The following CACNB2 variants were observed in gnomAD, a reference collection of about 807,000 sequenced individuals.
The protein encoded by CACNB2 is voltage-dependent L-type calcium channel subunit beta-2.
Under a neutral mutation model 73.3 loss-of-function variants are expected in CACNB2, and 42 were observed. That is an observed-to-expected ratio of 0.57 (90% CI 0.45 to 0.74). The LOEUF (loss-of-function observed/expected upper bound fraction) is 0.74. Ranked by LOEUF, CACNB2 falls within the 30% of genes least tolerant of loss-of-function variation. The pLI, the probability that CACNB2 is intolerant of heterozygous loss-of-function variation, is 0.00. For missense variants in CACNB2, 940 were observed against 853.0 expected, an observed-to-expected ratio of 1.10 and a Z score of -1.27; for synonymous variants, 348 against 310.3, an observed-to-expected ratio of 1.12 and a Z score of -1.28.
rs1389670418 is a variant in CACNB2, at chr10:18,541,137, T to A, written c.*1413T>A. On this transcript the variant is annotated 3_prime_UTR_variant, in exon 14 of 14. Transcript: ENST00000324631. ...TTCAATTTCTAACCTTGCCTATTGT[T>A]CCTGTTGTTTGTTTACCTCCCAGTT... is the stretch of plus-strand genomic sequence containing the variant. 1 of 152,688 alleles carries A rather than the reference T, an allele frequency of 6.5e-6. No homozygotes were observed. Among genetic ancestry groups the A allele is most frequent in the Non-Finnish European group, 1.5e-5 (1 of 68,042 alleles). The allele number at this position is 152,688 out of a possible 1,614,324, so 9.5% of individuals were successfully genotyped here.
intron 3 of CACNB2, among the ~76,000 whole-genome samples, chr10:18,464,418 T>TAAAATAAAAAAAAAGAAAAAAA (rs1554824204): frequency 1.2e-5 from 1 of 85,298 alleles, no homozygotes; most frequent in Admixed American, 1.5e-4. Flanking sequence ...TCTCAAAAAT[T>TAAAATAAAAAAAAAGAAAAAAA]AAAAAAAAAA....
intron 3 of CACNB2, among the ~76,000 whole-genome samples, chr10:18,427,402 A>C (rs1354977657): frequency 6.6e-6 from 1 of 152,012 alleles, no homozygotes; most frequent in Non-Finnish European, 1.5e-5. Flanking sequence ...TGGGGGACTT[A>C]CTGTATGTAT....
intron 2 of CACNB2, among the ~76,000 whole-genome samples, chr10:18,241,855 A>G (rs1213167165): frequency 6.6e-6 from 1 of 152,182 alleles, no homozygotes. Context: ...AGTGTCAGCT[A>G]AAATGAGCTT....
At chr10:18,510,767 T>C (rs892242144) in intron 6 of CACNB2, among the ~76,000 whole-genome samples, 2 of 152,168 alleles carry the variant, frequency 1.3e-5, no homozygotes, top group Non-Finnish European at 2.9e-5. Context: ...AAGGGTACTA[T>C]CCCTTGAATG....
intron 3 of CACNB2, among the ~76,000 whole-genome samples, chr10:18,444,585 C>T (rs2046642463): frequency 6.6e-6 from 1 of 152,080 alleles, no homozygotes; most frequent in Non-Finnish European, 1.5e-5. Context: ...TGTGCAACGT[C>T]CCACAGCTAG....
At chr10:18,346,878 T>C (rs2041480907) in intron 2 of CACNB2, among the ~76,000 whole-genome samples, 1 of 152,110 alleles carries the variant, frequency 6.6e-6, no homozygotes, top group Admixed American at 6.6e-5. Context: ...ATTACAGGTG[T>C]GAGCCACTGC....
chr10:18,516,826 T>TC (rs772866117), intron 7 of CACNB2, among the ~76,000 whole-genome samples: 7 of 152,096 alleles, frequency 4.6e-5, no homozygotes, highest in Non-Finnish European at 8.8e-5. Flanking sequence ...TTTTTTTTTT[T>TC]CTGTTCAAAA....
chr10:18,323,909 A>G (rs753779380), intron 2 of CACNB2, among the ~76,000 whole-genome samples: 8 of 152,242 alleles, frequency 5.3e-5, no homozygotes, highest in Non-Finnish European at 1.2e-4. Flanking sequence ...GACAACATAA[A>G]TTCAGTCATC....
At chr10:18,365,176 T>C (rs976187217) in intron 2 of CACNB2, among the ~76,000 whole-genome samples, 2 of 152,206 alleles carry the variant, frequency 1.3e-5, no homozygotes, top group African/African-American at 4.8e-5. Context: ...CATTTTTTGC[T>C]AACCACTGTA....
intron 2 of CACNB2, among the ~76,000 whole-genome samples, chr10:18,328,273 C>G (rs1443736001): frequency 1.3e-5 from 2 of 152,126 alleles, no homozygotes; most frequent in Non-Finnish European, 2.9e-5. Context: ...TTAAAAAATC[C>G]ACATGCTCAA....
chr10:18,233,845 T>C (rs1320859137), intron 2 of CACNB2, among the ~76,000 whole-genome samples: 1 of 152,186 alleles, frequency 6.6e-6, no homozygotes, highest in African/African-American at 2.4e-5. Context: ...GAATAGCCTC[T>C]TTTAGGAGGG....
At chr10:18,328,774 G>A (rs1054205778) in intron 2 of CACNB2, among the ~76,000 whole-genome samples, 2 of 152,098 alleles carry the variant, frequency 1.3e-5, no homozygotes, top group Non-Finnish European at 2.9e-5. Flanking sequence ...CAAGCTTCAG[G>A]GATTCTGAGC....
intron 2 of CACNB2, among the ~76,000 whole-genome samples, chr10:18,310,729 G>T (rs918133328): frequency 6.7e-6 from 1 of 149,116 alleles, no homozygotes; most frequent in African/African-American, 2.5e-5. Context: ...ACAGGCATGC[G>T]CCACCATGCC....
At chr10:18,154,614 T>G (rs2031887935) in intron 2 of CACNB2, among the ~76,000 whole-genome samples, 1 of 152,152 alleles carries the variant, frequency 6.6e-6, no homozygotes, top group African/African-American at 2.4e-5. Flanking sequence ...ATTACAGGTG[T>G]GCACCACCAT....
At chr10:18,231,328 C>A (rs1392732678) in intron 2 of CACNB2, among the ~76,000 whole-genome samples, 1 of 152,194 alleles carries the variant, frequency 6.6e-6, no homozygotes, top group African/African-American at 2.4e-5. Context: ...AGGCAGGCGC[C>A]ACCACACCCA....
At chr10:18,157,547 G>A (rs191461906) in intron 2 of CACNB2, among the ~76,000 whole-genome samples, 10 of 152,282 alleles carry the variant, frequency 6.6e-5, no homozygotes, top group African/African-American at 1.9e-4. Flanking sequence ...AATAGACTAT[G>A]GAGAGGGAAA....
At chr10:18,252,379 G>A (rs890259589) in intron 2 of CACNB2, among the ~76,000 whole-genome samples, 6 of 148,090 alleles carry the variant, frequency 4.1e-5, no homozygotes, top group African/African-American at 1.2e-4. Context: ...TTAAGCTTAT[G>A]GATGGTAAAT....
At chr10:18,363,631 G>A (rs1450295732) in intron 2 of CACNB2, among the ~76,000 whole-genome samples, 2 of 152,138 alleles carry the variant, frequency 1.3e-5, no homozygotes, top group African/African-American at 2.4e-5. Context: ...GTATTTAATA[G>A]CATGTTTAAA....
At chr10:18,509,861 T>A (rs2050675079) in intron 6 of CACNB2, among the ~76,000 whole-genome samples, 1 of 152,162 alleles carries the variant, frequency 6.6e-6, no homozygotes, top group Admixed American at 6.6e-5. Flanking sequence ...AATATATGCA[T>A]GCTAGTGAGG....
Sources: gnomAD v4.1 joint callset for allele counts (sites outside exome capture counted in the v4.1 genomes callset) on GRCh38, gnomAD v4.1.1 for gene constraint, MANE v1.5 for transcripts, NCBI Gene and HGNC (gene_info 2026-07-23, HGNC 2026-07-21) for gene names.